Variants in CHODL observed in about 807,000 individuals in gnomAD.
The protein encoded by CHODL is chondrolectin, also known as transmembrane protein MT75.
Under a neutral mutation model 34.5 loss-of-function variants are expected in CHODL, and 29 were observed. That is an observed-to-expected ratio of 0.84 (90% CI 0.63 to 1.15). The LOEUF is 1.15. Ranked by LOEUF, CHODL falls within the 50% of genes most tolerant of loss-of-function variation. The pLI is 0.00. For missense variants in CHODL, 332 were observed against 332.5 expected, an observed-to-expected ratio of 1.00 and a Z score of 0.01; for synonymous variants, 125 against 116.1, an observed-to-expected ratio of 1.08 and a Z score of -0.49.
intron 2 of CHODL, among the ~76,000 whole-genome samples, chr21:18,195,440 T>C (rs1338424181): frequency 6.6e-6 from 1 of 152,196 alleles, no homozygotes; most frequent in Non-Finnish European, 1.5e-5. Flanking sequence ...CTTTGTACCC[T>C]TTGAACAACA....
intron 1 of CHODL, among the ~76,000 whole-genome samples, chr21:17,972,243 GC>G (rs1416172743): frequency 1.3e-5 from 2 of 152,152 alleles, no homozygotes; most frequent in African/African-American, 4.8e-5. Flanking sequence ...AGACAAGAAT[GC>G]CCTCTTTCAC....
chr21:18,228,449 C>T (rs1568945549), intron 2 of CHODL, among the ~76,000 whole-genome samples: 1 of 152,076 alleles, frequency 6.6e-6, no homozygotes, highest in African/African-American at 2.4e-5. Flanking sequence ...TGGGATGCAT[C>T]GTTAGTTTCA....
chr21:18,231,837 C>T (rs926425191), intron 2 of CHODL, among the ~76,000 whole-genome samples: 5 of 151,162 alleles, frequency 3.3e-5, no homozygotes, highest in Non-Finnish European at 7.4e-5. Flanking sequence ...GCTTCCCAAG[C>T]CACGGCACAG....
At chr21:17,985,144 G>C (rs568098097) in intron 1 of CHODL, among the ~76,000 whole-genome samples, 5 of 152,058 alleles carry the variant, frequency 3.3e-5, no homozygotes, top group African/African-American at 1.2e-4. Flanking sequence ...GAAAACGGAT[G>C]TATCTATAAT....
At chr21:18,032,761 C>T (rs1036434393) in intron 2 of CHODL, among the ~76,000 whole-genome samples, 1 of 152,004 alleles carries the variant, frequency 6.6e-6, no homozygotes, top group African/African-American at 2.4e-5. Context: ...ACTGTCTCTC[C>T]AAACTGTGGC....
At chr21:17,921,674 G>A (rs1248226616) in intron 1 of CHODL, among the ~76,000 whole-genome samples, 6 of 152,174 alleles carry the variant, frequency 3.9e-5, no homozygotes, top group Admixed American at 1.3e-4. Context: ...TGGGACTTAG[G>A]GGTTGTTTAT....
At chr21:18,136,130 A>AAAAAAAAAAAAAAAAAAAAAAG (rs1568904709) in intron 2 of CHODL, among the ~76,000 whole-genome samples, 1 of 151,136 alleles carries the variant, frequency 6.6e-6, no homozygotes. Context: ...AAAAAGAAAA[A>AAAAAAAAAAAAAAAAAAAAAAG]AAAGAAAAAA....
At chr21:17,960,995 ACT>A (rs963641244) in intron 1 of CHODL, among the ~76,000 whole-genome samples, 2 of 152,080 alleles carry the variant, frequency 1.3e-5, no homozygotes. Flanking sequence ...TAACATTCAA[ACT>A]CAACTACATT....
intron 1 of CHODL, among the ~76,000 whole-genome samples, chr21:18,004,249 ATG>A (rs1375196840): frequency 6.6e-6 from 1 of 152,242 alleles, no homozygotes; most frequent in Non-Finnish European, 1.5e-5. Flanking sequence ...TTATTGGATA[ATG>A]TAATAGACAA....
At chr21:18,206,079 A>T (rs1478091253) in intron 2 of CHODL, among the ~76,000 whole-genome samples, 1 of 152,248 alleles carries the variant, frequency 6.6e-6, no homozygotes, top group African/African-American at 2.4e-5. Flanking sequence ...ATAATAATAC[A>T]TGCGCTGAAG....
intron 2 of CHODL, among the ~76,000 whole-genome samples, chr21:18,122,998 A>G (rs962949763): frequency 1.3e-5 from 2 of 152,230 alleles, no homozygotes; most frequent in African/African-American, 4.8e-5. Context: ...ATTGAGATAA[A>G]CAAGCAGCTT....
chr21:17,946,015 TGAA>T (rs930510888), intron 1 of CHODL, among the ~76,000 whole-genome samples: 14 of 152,080 alleles, frequency 9.2e-5, no homozygotes, highest in African/African-American at 3.1e-4. Flanking sequence ...TCTTTAGAAA[TGAA>T]GAAGACAGAG....
intron 2 of CHODL, among the ~76,000 whole-genome samples, chr21:18,041,199 T>C (rs1486824775): frequency 6.6e-6 from 1 of 151,902 alleles, no homozygotes; most frequent in Non-Finnish European, 1.5e-5. Flanking sequence ...TGGCCTGTCA[T>C]AGACAGACAC....
intron 2 of CHODL, among the ~76,000 whole-genome samples, chr21:18,132,134 G>A (rs551056916): frequency 1.3e-5 from 2 of 151,978 alleles, no homozygotes; most frequent in Admixed American, 6.5e-5. Context: ...ACAATATGCA[G>A]GTTTGTTACA....
intron 1 of CHODL, among the ~76,000 whole-genome samples, chr21:17,986,911 C>G (rs937501799): frequency 6.6e-6 from 1 of 151,946 alleles, no homozygotes; most frequent in Admixed American, 6.6e-5. Flanking sequence ...TGGGATGGTG[C>G]CGAAAATAGG....
At chr21:18,059,509 T>C (rs1379711478) in intron 2 of CHODL, among the ~76,000 whole-genome samples, 2 of 143,960 alleles carry the variant, frequency 1.4e-5, no homozygotes, top group African/African-American at 2.6e-5. Context: ...TTTTTTTTTT[T>C]CCAACTTTTA....
intron 1 of CHODL, among the ~76,000 whole-genome samples, chr21:17,992,205 C>G (rs979930225): frequency 1.3e-5 from 2 of 152,050 alleles, no homozygotes; most frequent in African/African-American, 4.8e-5. Flanking sequence ...TATACCAATA[C>G]CATGCTGTTT....
intron 2 of CHODL, among the ~76,000 whole-genome samples, chr21:18,074,673 A>T (rs1242840847): frequency 6.6e-6 from 1 of 152,094 alleles, no homozygotes; most frequent in East Asian, 1.9e-4. Flanking sequence ...TTTCTTCCAC[A>T]TTCTGTTATT....
At chr21:18,171,248 A>G (rs1482053160) in intron 2 of CHODL, among the ~76,000 whole-genome samples, 1 of 96,996 alleles carries the variant, frequency 1.0e-5, no homozygotes. Flanking sequence ...CGCCCAGGCC[A>G]GACTGCGGAC....
Sources: gnomAD v4.1 joint callset for allele counts (sites outside exome capture counted in the v4.1 genomes callset) on GRCh38, gnomAD v4.1.1 for gene constraint, MANE v1.5 for transcripts, NCBI Gene and HGNC (gene_info 2026-07-23, HGNC 2026-07-21) for gene names.